The following DTX2 variants were observed in gnomAD, a reference collection of about 807,000 sequenced individuals.
DTX2 encodes probable E3 ubiquitin-protein ligase DTX2.
A neutral mutation model predicts 55.3 loss-of-function variants in DTX2; 29 were observed. That is an observed-to-expected ratio of 0.52 (90% CI 0.39 to 0.71). The LOEUF is 0.71. DTX2 is among the 30% of genes least tolerant of loss of function. The pLI is 0.00. For missense variants in DTX2, 537 were observed against 822.5 expected (o/e 0.65, Z 4.25); for synonymous variants, 276 against 340.4 (o/e 0.81, Z 2.08).
Position 76,503,519 on chromosome 7 carries a change from A to T in DTX2, c.1483A>T (p.Met495Leu). The change falls in exon 9 of 11, where the codon ATG (methionine) becomes TTG (leucine). Residue 495 changes from methionine (M) to leucine (L), a missense_variant. Physicochemically the swap from Met to Leu is conservative, Grantham distance 15. Around this residue, in one of 7 missense-constraint regions of DTX2, gnomAD observed 121 missense variants for 136.8 expected, o/e 0.88. Coordinates refer to ENST00000430490, the MANE Select transcript of DTX2 (RefSeq NM_001102594.3). The part of the protein sequence containing the change: ...QGKMEVLRFQ[M>L]SLPGHEDCGT... ...AAAGATGGAGGTATTACGGTTCCAG[A>T]TGTCGCTCCCCGGCCACGAGGACTG... The T allele has an allele frequency of 6.2e-7, 1 of 1,612,864 alleles. No homozygotes were observed. Among genetic ancestry groups the T allele is most frequent in the Middle Eastern group, 1.7e-4 (1 of 6,058 alleles).
chr7:76,502,463 C>T lies in DTX2; in HGVS notation c.1389+7C>T. 1 of 1,610,402 alleles carries T rather than the reference C, an allele frequency of 6.2e-7. No homozygotes were observed. The highest frequency in any genetic ancestry group is 1.1e-5 in the South Asian group (1 of 90,866). On this transcript the variant is annotated splice_region_variant and intron_variant, in intron 8 of 10. Transcript: ENST00000430490. The stretch of plus-strand genomic sequence containing the variant: ...GTACTGCAACGGCAATAAGGTGCCC[C>T]CACTGGCCCAGGGCGGAGGCGGGTG...
intron 2 of DTX2, among the ~76,000 whole-genome samples, chr7:76,469,380 T>TA (rs1584123168): frequency 6.9e-6 from 1 of 144,824 alleles, no homozygotes; most frequent in East Asian, 2.1e-4. Flanking sequence ...TTTTTTTTTT[T>TA]ACTGTGAATA....
rs1446740032 is a variant in DTX2 at position 76,503,217 on chromosome 7, T to G, written c.1390-209T>G. ...TCGCCACCTGTCTCCTGATAGCATG[T>G]CCCTTAACGAAAATGGCATGAGTTG... On this transcript the variant is annotated intron_variant, in intron 8 of 10. Coordinates refer to ENST00000430490, the MANE Select transcript of DTX2 (RefSeq NM_001102594.3). The G allele has an allele frequency of 8.4e-6, 5 of 593,628 alleles. No individual in the cohort carries two copies. In the East Asian group the frequency reaches 1.4e-4, roughly 17 times the overall value. The allele number at this position is 593,628 out of a possible 1,614,324, so 36.8% of individuals were successfully genotyped here. A position where few individuals can be genotyped will look rare whatever the true frequency, so the allele number is the denominator to read the frequency against.
chr7:76,484,191 A>G (rs1489369920), intron 4 of DTX2, among the ~76,000 whole-genome samples: 1 of 90,920 alleles, frequency 1.1e-5, no homozygotes, highest in Non-Finnish European at 2.2e-5. Context: ...TAAAAATACA[A>G]AAATTAGCCA....
intron 8 of DTX2, 37 bp downstream of exon 8, chr7:76,502,493 G>T: frequency 1.2e-6 from 2 of 1,602,092 alleles, no homozygotes; most frequent in Non-Finnish European, 8.5e-7. Context: ...CGGGTGGCCC[G>T]CCCCCACAGT....
Position 76,480,531 on chromosome 7 carries a change from TCC to T in DTX2, c.24_25del (p.Leu9GlyfsTer69). MAMAPSP[S>X]LVQVYTSPAA... is the part of the protein sequence containing the mutation. ...GAAGATGGCCATGGCCCCAAGCCCT[TCC>T]CTGGTGCAGGTGTACACCAGCCCCG... On this transcript the variant is annotated frameshift_variant, in exon 3 of 11. Coordinates refer to ENST00000430490, the MANE Select transcript of DTX2 (RefSeq NM_001102594.3). LOFTEE classifies it high-confidence loss of function. 1 of 1,608,048 alleles carries T rather than the reference TCC, an allele frequency of 6.2e-7. No homozygotes were observed. Among genetic ancestry groups the T allele is most frequent in the Non-Finnish European group, 8.5e-7 (1 of 1,177,422 alleles).
At chr7:76,461,868 C>CT (rs1806670680) in intron 1 of DTX2, 32 bp downstream of exon 1, 2 of 153,166 alleles carry the variant, frequency 1.3e-5, no homozygotes, top group Non-Finnish European at 2.9e-5. Context: ...CTGCGCGTCG[C>CT]TAGGGCTGCG....
intron 6 of DTX2, 137 bp from the exon 7 acceptor site, chr7:76,500,304 G>A (rs1189126869): frequency 2.3e-6 from 1 of 426,830 alleles, no homozygotes; most frequent in Admixed American, 3.0e-5. Flanking sequence ...CTCCCGTCCC[G>A]CACACTGGCC....
intron 2 of DTX2, among the ~76,000 whole-genome samples, chr7:76,471,540 T>G (rs372516310): frequency 0.023 from 3,265 of 139,846 alleles, 60 homozygotes; most frequent in African/African-American, 0.082. Context: ...ATTTATTTTT[T>G]TTTAAAGAGA....
chr7:76,495,517 T>C (rs893791802), intron 5 of DTX2, among the ~76,000 whole-genome samples: 1 of 151,832 alleles, frequency 6.6e-6, no homozygotes, highest in Non-Finnish European at 1.5e-5. Context: ...TTGAAACTTG[T>C]GTGTTTGTGA....
chr7:76,504,699 G>A (rs187665637), intron 10 of DTX2, among the ~76,000 whole-genome samples: 1 of 152,364 alleles, frequency 6.6e-6, no homozygotes, highest in Admixed American at 6.5e-5. Flanking sequence ...GAGAGTCAGA[G>A]TGTGACAGGC....
intron 2 of DTX2, among the ~76,000 whole-genome samples, chr7:76,468,077 G>A (rs1271723385): frequency 3.9e-5 from 6 of 152,296 alleles, no homozygotes; most frequent in Non-Finnish European, 2.9e-5. Context: ...GGAGAGAGGA[G>A]GGGAGGAGGG....
intron 1 of DTX2, among the ~76,000 whole-genome samples, chr7:76,463,152 C>G (rs865820577): frequency 8.0e-3 from 1,189 of 147,982 alleles, no homozygotes; most frequent in Middle Eastern, 0.031. Context: ...GTGACTCGAG[C>G]CTATAATCCC....
chr7:76,464,592 G>A (rs1349143672), intron 2 of DTX2, among the ~76,000 whole-genome samples: 25 of 151,974 alleles, frequency 1.6e-4, no homozygotes, highest in African/African-American at 5.8e-4. Flanking sequence ...AGACAGTGCC[G>A]CTCTACGTTG....
chr7:76,475,358 A>G (rs1808435910), intron 2 of DTX2, among the ~76,000 whole-genome samples: 1 of 151,000 alleles, frequency 6.6e-6, no homozygotes, highest in African/African-American at 2.4e-5. Context: ...AAGTTATATG[A>G]CTATTTTAGA....
chr7:76,477,691 G>T (rs1279158558), intron 2 of DTX2, among the ~76,000 whole-genome samples: 1 of 137,154 alleles, frequency 7.3e-6, no homozygotes, highest in African/African-American at 2.8e-5. Context: ...CCAGCTGCTC[G>T]GGAGGTGGAG....
intron 2 of DTX2, chr7:76,476,873 C>T (rs547885065): frequency 1.3e-5 from 2 of 151,620 alleles, no homozygotes; most frequent in South Asian, 2.1e-4. Context: ...GGCCATGGTG[C>T]GCCCTCCATT....
chr7:76,469,394 C>CT (rs145065555), intron 2 of DTX2, among the ~76,000 whole-genome samples: 374 of 112,510 alleles, frequency 3.3e-3, no homozygotes, highest in African/African-American at 5.5e-3. Flanking sequence ...GTGAATATTC[C>CT]TTTTTTTTTT....
chr7:76,468,261 G>C (rs1807402918), intron 2 of DTX2, among the ~76,000 whole-genome samples: 1 of 152,038 alleles, frequency 6.6e-6, no homozygotes, highest in South Asian at 2.1e-4. Flanking sequence ...CATGTCTGCA[G>C]AGGGCAGGGC....
Sources: allele counts gnomAD v4.1 joint callset (sites outside exome capture counted in the v4.1 genomes callset), GRCh38; gene constraint gnomAD v4.1.1; regional missense constraint gnomAD v4.1.1; transcripts MANE v1.5; gene names NCBI Gene and HGNC (gene_info 2026-07-23, HGNC 2026-07-21).